Variants in SEPTIN6 observed in about 807,000 individuals in gnomAD.
The protein encoded by SEPTIN6 is septin 6.
SEPTIN6 carries 8 observed loss-of-function variants against 33.6 expected under a neutral mutation model. The observed-to-expected ratio is 0.24, with a 90% CI of 0.14 to 0.43. SEPTIN6 has a LOEUF of 0.43. Ranked by LOEUF, SEPTIN6 falls within the 20% of genes least tolerant of loss-of-function variation. The pLI is 1.00. For missense variants in SEPTIN6, 250 were observed against 340.8 expected, an observed-to-expected ratio of 0.73 and a Z score of 2.10; for synonymous variants, 131 against 140.0, an observed-to-expected ratio of 0.94 and a Z score of 0.45.
intron 9 of SEPTIN6, 96 bp downstream of exon 9, chrX:119,629,222 T>G: frequency 1.2e-6 from 1 of 862,577 alleles, no homozygotes; most frequent in Non-Finnish European, 1.7e-6. Context: ...TCACCTCTGG[T>G]CACCAGTCCT....
intron 10 of SEPTIN6, among the ~76,000 whole-genome samples, chrX:119,620,319 C>CTTT (rs11374271): frequency 2.1e-5 from 2 of 95,883 alleles, no homozygotes; most frequent in Admixed American, 1.1e-4. Flanking sequence ...ATCTTTCTTT[C>CTTT]TTTTTTTTTT....
intron 1 of SEPTIN6, among the ~76,000 whole-genome samples, chrX:119,687,177 T>C (rs1210238866): frequency 9.0e-6 from 1 of 111,148 alleles, no homozygotes; most frequent in Non-Finnish European, 1.9e-5. Flanking sequence ...GAAAGAAACA[T>C]GTTATATATA....
At chrX:119,616,083 C>T (rs2053662175), downstream of SEPTIN6, 1 of 185,258 alleles carries the variant, frequency 5.4e-6, no homozygotes, top group African/African-American at 2.9e-5. Flanking sequence ...TGAGCAGAAA[C>T]CTCTCTCAAA....
intron 5 of SEPTIN6, among the ~76,000 whole-genome samples, chrX:119,644,244 G>A (rs1020081065): frequency 2.7e-5 from 3 of 110,785 alleles, no homozygotes; most frequent in African/African-American, 6.6e-5. Flanking sequence ...CCAATGAGGC[G>A]CCCTCGGATA....
intron 8 of SEPTIN6, among the ~76,000 whole-genome samples, chrX:119,632,282 G>A (rs1028951479): frequency 2.8e-5 from 3 of 108,860 alleles, no homozygotes; most frequent in Admixed American, 9.9e-5. Flanking sequence ...TGCAAGCTCC[G>A]CCTTCCGGGT....
intron 2 of SEPTIN6, among the ~76,000 whole-genome samples, chrX:119,664,530 A>T (rs193031110): frequency 4.4e-3 from 487 of 110,486 alleles, no homozygotes; most frequent in African/African-American, 0.015. Flanking sequence ...AAATTTTTTT[A>T]AAAAATGACA....
chrX:119,620,676 G>A (rs1240363840), intron 10 of SEPTIN6, among the ~76,000 whole-genome samples: 9 of 109,179 alleles, frequency 8.2e-5, no homozygotes, highest in Admixed American at 2.9e-4. Context: ...CTGGAGTGCA[G>A]TGGCCGTGAT....
chrX:119,653,679 C>G (rs898023136), intron 3 of SEPTIN6, among the ~76,000 whole-genome samples: 10 of 112,616 alleles, frequency 8.9e-5, no homozygotes, highest in African/African-American at 3.2e-4. Flanking sequence ...ACATTCAGGG[C>G]TTTTGCTCAT....
intron 5 of SEPTIN6, among the ~76,000 whole-genome samples, chrX:119,648,116 G>A (rs1187667290): frequency 1.8e-5 from 2 of 109,425 alleles, no homozygotes; most frequent in African/African-American, 3.4e-5. Context: ...CTAGCTTGGG[G>A]GTTTCCAGCC....
intron 5 of SEPTIN6, among the ~76,000 whole-genome samples, chrX:119,643,556 CAT>C (rs10599289): frequency 0.058 from 6,435 of 111,319 alleles, 264 homozygotes; most frequent in African/African-American, 0.14. Context: ...AGCTCAAAAA[CAT>C]AGCCCCAGCC....
At chrX:119,660,695 T>C (rs967775230) in intron 3 of SEPTIN6, among the ~76,000 whole-genome samples, 2 of 110,558 alleles carry the variant, frequency 1.8e-5, no homozygotes, top group Admixed American at 9.7e-5. Flanking sequence ...GTTTAATTTA[T>C]TCTCAACCAA....
intron 8 of SEPTIN6, among the ~76,000 whole-genome samples, chrX:119,631,328 G>A (rs1032024772): frequency 3.7e-5 from 4 of 109,040 alleles, no homozygotes; most frequent in Non-Finnish European, 7.6e-5. Flanking sequence ...CTACAGGCAC[G>A]TGCTACCACT....
intron 2 of SEPTIN6, among the ~76,000 whole-genome samples, chrX:119,674,354 T>TTTTTAGTAGA (rs1424112637): frequency 1.8e-5 from 2 of 109,275 alleles, no homozygotes; most frequent in Non-Finnish European, 3.8e-5. Context: ...TGTTTTTGTA[T>TTTTTAGTAGA]TTTTAGTAGA....
At chrX:119,643,727 T>C (rs7880203) in intron 5 of SEPTIN6, among the ~76,000 whole-genome samples, 1 of 110,650 alleles carries the variant, frequency 9.0e-6, no homozygotes, top group East Asian at 2.8e-4. Context: ...CTGGGATACA[T>C]GGAGGTTAAA....
chrX:119,655,717 T>C (rs1051052805), intron 3 of SEPTIN6, among the ~76,000 whole-genome samples: 3 of 111,851 alleles, frequency 2.7e-5, no homozygotes, highest in Non-Finnish European at 5.6e-5. Flanking sequence ...CTGATAATCT[T>C]TGACATTTCA....
rs1246605641 is a variant in SEPTIN6, at chrX:119,618,005, G to A, written c.*2088C>T. ...AATTACCGGGCGGCGGTGTGGGGAA[G>A]TGGTGGTTACCGGTTGGTTGTTTAA... On this transcript the variant is annotated 3_prime_UTR_variant, in exon 11 of 11. Transcript: ENST00000394610. The A allele has an allele frequency of 1.2e-6, 1 of 802,340 alleles. No individual in the cohort carries two copies. The highest frequency in any genetic ancestry group is 7.8e-5 in the Admixed American group (1 of 12,749). 66.1% of individuals were successfully genotyped at this position (802,340 alleles called of 1,213,427 possible). A position where few individuals can be genotyped will look rare whatever the true frequency, so the allele number is the denominator to read the frequency against.
chrX:119,672,281 G>A (rs1374140696), intron 2 of SEPTIN6, among the ~76,000 whole-genome samples: 2 of 111,390 alleles, frequency 1.8e-5, no homozygotes, highest in Non-Finnish European at 3.8e-5. Flanking sequence ...TGGAGGGTCT[G>A]TGCTGGGTAC....
chrX:119,620,724 G>A (rs1461486833), intron 10 of SEPTIN6, among the ~76,000 whole-genome samples: 3 of 106,320 alleles, frequency 2.8e-5, no homozygotes, highest in Non-Finnish European at 4.0e-5. Context: ...AATTTCAAGC[G>A]ATTCTCCTGC....
chrX:119,672,830 C>T (rs1182465628), intron 2 of SEPTIN6, among the ~76,000 whole-genome samples: 5 of 111,878 alleles, frequency 4.5e-5, no homozygotes, highest in Admixed American at 3.8e-4. Context: ...TAATCATAAC[C>T]ATCAGTTAGA....
Sources: gnomAD v4.1 joint callset for allele counts (sites outside exome capture counted in the v4.1 genomes callset) on GRCh38, gnomAD v4.1.1 for gene constraint, MANE v1.5 for transcripts, NCBI Gene and HGNC (gene_info 2026-07-23, HGNC 2026-07-21) for gene names.